Variants in CIT observed in about 807,000 individuals in gnomAD.
The protein encoded by CIT is citron rho-interacting serine/threonine kinase, also known as citron Rho-interacting kinase.
A neutral mutation model predicts 272.7 loss-of-function variants in CIT; 79 were observed. The observed-to-expected ratio is 0.29, with a 90% CI of 0.24 to 0.35. CIT has a LOEUF of 0.35. CIT is among the 10% of genes least tolerant of loss of function. The pLI is 1.00. For missense variants in CIT, 1,909 were observed against 2,618.3 expected (o/e 0.73, Z 5.91); for synonymous variants, 948 against 995.6 (o/e 0.95, Z 0.90).
Position 119,825,318 on chromosome 12 carries a change from C to T in CIT, c.804G>A (p.Val268=), listed in dbSNP as rs137928558. ...IGTPDYMAPE[V]LTVMNGDGKG... ...TTCCATCCCCGTTCATCACAGTCAG[C>T]ACTTCAGGAGCCATGTAATCTGGGG... The change falls in exon 8 of 48, where the codon GTG becomes GTA. Residue 268 remains valine, a synonymous_variant. Transcript: ENST00000392521. The T allele has an allele frequency of 4.6e-4, 744 of 1,614,128 alleles. 1 individual carries two copies. Among genetic ancestry groups the T allele is most frequent in the Non-Finnish European group, 6.1e-4 (714 of 1,180,024 alleles).
At chr12:119,741,189 G>A (rs1396544941) in intron 24 of CIT, among the ~76,000 whole-genome samples, 1 of 151,934 alleles carries the variant, frequency 6.6e-6, no homozygotes, top group Non-Finnish European at 1.5e-5. Context: ...GATAGGTACA[G>A]CAACATGGAG....
chr12:119,876,109 A>G lies in CIT; in HGVS notation c.60T>C (p.Ile20=). The G allele has an allele frequency of 1.2e-6, 2 of 1,613,928 alleles. No individual in the cohort carries two copies. The highest frequency in any genetic ancestry group is 1.7e-6 in the Non-Finnish European group (2 of 1,179,902). The change falls in exon 2 of 48, where the codon ATT becomes ATC. Residue 20 remains isoleucine (I), a synonymous_variant. Coordinates refer to ENST00000392521, the MANE Select transcript of CIT (RefSeq NM_001206999.2). ...NPLDAGAAEP[I]ASRASRLNLF... is the part of the protein sequence containing the mutation. ...GATTCAGCCTGGAGGCCCGGCTGGC[A>G]ATGGGTTCAGCAGCACCAGCATCCA...
chr12:119,842,971 G>A (rs1232699024), intron 5 of CIT, among the ~76,000 whole-genome samples: 2 of 152,144 alleles, frequency 1.3e-5, no homozygotes, highest in Non-Finnish European at 2.9e-5. Context: ...GGACAGACCA[G>A]CACCCACTCA....
chr12:119,800,957 G>A (rs1227849503), intron 10 of CIT, among the ~76,000 whole-genome samples: 1 of 152,184 alleles, frequency 6.6e-6, no homozygotes, highest in Non-Finnish European at 1.5e-5. Context: ...GCCTACAGCA[G>A]AGTAGCCAAG....
At chr12:119,875,686 G>A (rs891281630) in intron 2 of CIT, among the ~76,000 whole-genome samples, 5 of 151,980 alleles carry the variant, frequency 3.3e-5, no homozygotes, top group African/African-American at 1.2e-4. Context: ...ATTATCCCTG[G>A]TCCTATAATA....
chr12:119,806,656 C>A (rs1966629051), intron 9 of CIT, among the ~76,000 whole-genome samples: 1 of 143,466 alleles, frequency 7.0e-6, no homozygotes, highest in Non-Finnish European at 1.5e-5. Flanking sequence ...CCAATCCCTA[C>A]CAGAAATAAA....
chr12:119,825,277 A>G lies in CIT; in HGVS notation c.845T>C (p.Leu282Pro), dbSNP rs767026682. 1.4e-5 allele frequency: 23 copies of G among 1,614,066 alleles called. No individual in the cohort carries two copies. The African/African-American group carries it at 2.8e-4, about 20-fold the overall frequency. The change falls in exon 8 of 48, where the codon CTG (leucine) becomes CCG (proline). Residue 282 changes from leucine (L) to proline (P), a missense_variant. Leu to Pro is a moderately conservative substitution (Grantham distance 98, BLOSUM62 -3). Transcript: ENST00000392521. ...GCCCACTGACCACCAGTCACAGTCC[A>G]GGCCGTAGGTGCCTTTTCCATCCCC... is the stretch of plus-strand genomic sequence containing the variant. The part of the protein sequence containing the change: ...MNGDGKGTYG[L>P]DCDWWSVGVI...
chr12:119,823,907 G>A (rs61601458), intron 8 of CIT, among the ~76,000 whole-genome samples: 2,479 of 151,686 alleles, frequency 0.016, 71 homozygotes, highest in African/African-American at 0.057. Flanking sequence ...AGGCATGGTG[G>A]TGGGCACCCG....
rs1055117609 is a variant in CIT, at chr12:119,735,072, T to C, written c.3156+88A>G. ...CCCAATTACTGTATGAGGTTCAGTG[T>C]TGGAACCCTTGGGAGAACGCACCAA... On this transcript the variant is annotated intron_variant, in intron 25 of 47. Coordinates refer to ENST00000392521, the MANE Select transcript of CIT (RefSeq NM_001206999.2). 11 of 1,278,370 alleles carry C rather than the reference T, an allele frequency of 8.6e-6. No homozygotes were observed. The South Asian group carries it at 1.0e-4, about 12-fold the overall frequency. 79.2% of individuals were successfully genotyped at this position (1,278,370 alleles called of 1,614,324 possible).
At chr12:119,777,396 GTGT>G (rs766397678) in intron 13 of CIT, among the ~76,000 whole-genome samples, 35 of 152,228 alleles carry the variant, frequency 2.3e-4, no homozygotes, top group South Asian at 4.1e-4. Context: ...TTTTGGCCGG[GTGT>G]TGTGGCTCAT....
intron 5 of CIT, among the ~76,000 whole-genome samples, chr12:119,848,468 GAT>G (rs1328176295): frequency 6.6e-6 from 1 of 152,094 alleles, no homozygotes; most frequent in African/African-American, 2.4e-5. Flanking sequence ...TTGTTTCCAG[GAT>G]ACACTTGTTA....
In CIT at chr12:119,804,099, G is replaced by A; in HGVS notation, c.1112-710C>T. The A allele has an allele frequency of 1.1e-6, 1 of 905,668 alleles. No individual in the cohort carries two copies. The highest frequency in any genetic ancestry group is 1.3e-6 in the Non-Finnish European group (1 of 757,368). The allele number at this position is 905,668 out of a possible 1,614,324, so 56.1% of individuals were successfully genotyped here. On this transcript the variant is annotated intron_variant, in intron 9 of 47. Coordinates refer to ENST00000392521, the MANE Select transcript of CIT (RefSeq NM_001206999.2). The surrounding 1 kb of genome is among the most constrained non-coding windows in gnomAD (Gnocchi z 5.3). ...CACCAGCCAAATAAAGTTCCTACCG[G>A]TGATCTACAGCACCCCTGCGCGCTG...
Position 119,688,016 on chromosome 12 carries a change from T to TG in CIT, c.*215dup. The TG allele has an allele frequency of 1.7e-6, 1 of 605,016 alleles. No individual in the cohort carries two copies. Among genetic ancestry groups the TG allele is most frequent in the East Asian group, 2.8e-5 (1 of 36,126 alleles). The allele number at this position is 605,016 out of a possible 1,614,324, so 37.5% of individuals were successfully genotyped here. A position where few individuals can be genotyped will look rare whatever the true frequency, so the allele number is the denominator to read the frequency against. On this transcript the variant is annotated 3_prime_UTR_variant, in exon 48 of 48. Coordinates refer to ENST00000392521, the MANE Select transcript of CIT (RefSeq NM_001206999.2). ...GTGCAAAGAGATGACTGCAGGGAGG[T>TG]GCCCAGGGCAGGCACCGGGCGCTGA... is the stretch of plus-strand genomic sequence containing the variant.
In CIT at chr12:119,803,370, G is replaced by A. The variant is rs929597445; in HGVS notation, c.1131C>T (p.Pro377=). The change falls in exon 10 of 48, where the codon CCC becomes CCT. Residue 377 remains proline, a synonymous_variant. Transcript: ENST00000392521. ...AGGTGTCATCGTCAGACTTGAGGGT[G>A]GGAACGAAGGGGGGAGGAGCTGGTT... ...NIRNSPPPFV[P]TLKSDDDTSN... The A allele has an allele frequency of 1.3e-6, 2 of 1,572,822 alleles. No homozygotes were observed. The highest frequency in any genetic ancestry group is 1.4e-5 in the African/African-American group (1 of 71,976).
At chr12:119,855,887 G>A (rs1203189380) in intron 4 of CIT, among the ~76,000 whole-genome samples, 5 of 152,104 alleles carry the variant, frequency 3.3e-5, no homozygotes, top group Admixed American at 1.3e-4. Flanking sequence ...AGGGCTACAC[G>A]TAATGCCTCT....
Position 119,690,442 on chromosome 12 carries a change from C to G in CIT, c.5895G>C (p.Lys1965Asn). 6.3e-7 allele frequency: 1 copy of G among 1,588,882 alleles called. No individual in the cohort carries two copies. Among genetic ancestry groups the G allele is most frequent in the South Asian group, 1.1e-5 (1 of 88,526 alleles). ...GCTCGTTGTACGTGGGTGGGCCTCGCTTGTTGGGGCTGCTGGCGACACAAG... is the reference window on the plus strand; with the variant it reads ...GCTCGTTGTACGTGGGTGGGCCTCGGTTGTTGGGGCTGCTGGCGACACAAG... ...GPSTSRSSPN[K>N]RGPPTYNEHI... The change falls in exon 47 of 48, where the codon AAG becomes AAC. Residue 1965 changes from lysine (K) to asparagine (N), a missense_variant. Physicochemically the swap from Lys to Asn is moderately conservative, Grantham distance 94. Coordinates refer to ENST00000392521, the MANE Select transcript of CIT (RefSeq NM_001206999.2). The surrounding 1 kb of genome is among the most constrained non-coding windows in gnomAD (Gnocchi z 6.0).
intron 4 of CIT, among the ~76,000 whole-genome samples, chr12:119,852,009 G>A (rs1970250751): frequency 6.6e-6 from 1 of 152,074 alleles, no homozygotes; most frequent in Non-Finnish European, 1.5e-5. Context: ...CTCCAGCTTG[G>A]GCAACCAAGC....
chr12:119,862,808 TAAAAAAAAAAAAAA>T (rs1157467178), intron 3 of CIT, among the ~76,000 whole-genome samples: 286 of 10,244 alleles, frequency 0.028, 2 homozygotes, highest in African/African-American at 0.081. Context: ...AGACTCTACC[TAAAAAAAAAAAAAA>T]AAAAAAAAAA....
chr12:119,744,735 G>C (rs1267367836), intron 23 of CIT, among the ~76,000 whole-genome samples: 2 of 101,374 alleles, frequency 2.0e-5, no homozygotes, highest in African/African-American at 7.5e-5. Context: ...AAAAAAAAAA[G>C]TCTATAAGAT....
Sources: allele counts gnomAD v4.1 joint callset (sites outside exome capture counted in the v4.1 genomes callset), GRCh38; gene constraint gnomAD v4.1.1; non-coding constraint Gnocchi (gnomAD v3.1); transcripts MANE v1.5; gene names NCBI Gene and HGNC (gene_info 2026-07-23, HGNC 2026-07-21).